Variants in HOXA10 observed in about 807,000 individuals in gnomAD.
The protein encoded by HOXA10 is homeobox A10.
A neutral mutation model predicts 29.7 loss-of-function variants in HOXA10; 12 were observed. That is an observed-to-expected ratio of 0.40 (90% CI 0.26 to 0.65). The LOEUF (loss-of-function observed/expected upper bound fraction) is 0.65, where lower values mean the gene tolerates loss of function less well. Ranked by LOEUF, HOXA10 falls within the 30% of genes least tolerant of loss-of-function variation. The pLI, the probability that HOXA10 is intolerant of heterozygous loss-of-function variation, is 0.37. For missense variants in HOXA10, 656 were observed against 585.9 expected, an observed-to-expected ratio of 1.12 and a Z score of -1.24; for synonymous variants, 327 against 280.7, an observed-to-expected ratio of 1.16 and a Z score of -1.65.
In HOXA10 at chr7:27,173,863, G is replaced by T. The variant is rs747380004; in HGVS notation, c.444C>A (p.Pro148=). The change falls in exon 1 of 2, where the codon CCC becomes CCA. Residue 148 remains proline, a synonymous_variant. Coordinates refer to ENST00000283921, the MANE Select transcript of HOXA10 (RefSeq NM_018951.4). ...ACGAGGTGGCCTGCGGCGCTGGCTG[G>T]GGTGGTTGCGGCGGGGGCGGCGGCT... ...QQQPPPPPQP[P]QPAPQATSCS... 3 of 1,599,140 alleles carry T rather than the reference G, an allele frequency of 1.9e-6. 1 individual carries two copies. The South Asian group carries it at 3.4e-5, about 18-fold the overall frequency.
upstream of HOXA10, among the ~76,000 whole-genome samples, chr7:27,174,512 C>T (rs1260710780): frequency 1.3e-5 from 2 of 152,232 alleles, no homozygotes; most frequent in African/African-American, 4.8e-5. Flanking sequence ...CACCCCGACA[C>T]CTTGGCCCGA....
upstream of HOXA10, among the ~76,000 whole-genome samples, chr7:27,179,119 C>T (rs1325921481): frequency 6.6e-6 from 1 of 152,240 alleles, no homozygotes; most frequent in African/African-American, 2.4e-5. Flanking sequence ...TCACATGCGA[C>T]TTCTCCGAAT....
At position 27,171,299 on chromosome 7, in the gene HOXA10, T is replaced by G. The variant is rs1294459788; in HGVS notation, c.*600A>C. The G allele has an allele frequency of 6.6e-6, 3 of 454,122 alleles. No homozygotes were observed. Among genetic ancestry groups the G allele is most frequent in the Non-Finnish European group, 1.3e-5 (3 of 226,820 alleles). 28.1% of individuals were successfully genotyped at this position (454,122 alleles called of 1,614,324 possible). ...CCTTTTTTACTTTCTTTCTCACTTT[T>G]TAAATCAGCCAAAGTCAAGCCCGTT... On this transcript the variant is annotated 3_prime_UTR_variant, in exon 2 of 2. Transcript: ENST00000283921.
In HOXA10 at chr7:27,171,843, C is replaced by T. The variant is rs1053188019; in HGVS notation, c.*56G>A. 6.3e-7 allele frequency: 1 copy of T among 1,587,912 alleles called. No individual in the cohort carries two copies. Among genetic ancestry groups the T allele is most frequent in the Non-Finnish European group, 8.6e-7 (1 of 1,156,682 alleles). ...CGAGTTCCTGGGCAGAGCCTGAAGA[C>T]AGAGGGAGGGGACCAGCGCTCGGGA... On this transcript the variant is annotated 3_prime_UTR_variant, in exon 2 of 2. Transcript: ENST00000283921.
exon 1 of HOXA10, chr7:27,179,760 G>C (rs928096310): frequency 2.8e-6 from 2 of 720,828 alleles, no homozygotes; most frequent in African/African-American, 3.5e-5. Context: ...CACTTCTTGA[G>C]GGTGAGTCCC....
At chr7:27,174,388 T>G, upstream of HOXA10, 1 of 1,570,292 alleles carries the variant, frequency 6.4e-7, no homozygotes, top group Non-Finnish European at 8.6e-7. Flanking sequence ...GAGCCAGAGT[T>G]TCCGCGCGAC....
chr7:27,177,543 G>T (rs1345055277), upstream of HOXA10, among the ~76,000 whole-genome samples: 2 of 152,126 alleles, frequency 1.3e-5, no homozygotes, highest in African/African-American at 4.8e-5. Flanking sequence ...CTCTCAGTTG[G>T]TCTCCTAGCC....
chr7:27,173,875 C>A lies in HOXA10; in HGVS notation c.432G>T (p.Pro144=). ...PPPPQQQPPP[P]PQPPQPAPQA... is the part of the protein sequence containing the mutation. ...GCGGCGCTGGCTGGGGTGGTTGCGG[C>A]GGGGGCGGCGGCTGCTGCTGGGGCG... Residue 144 remains proline (P), a synonymous_variant, in exon 1 of 2, where the codon CCG becomes CCT. Transcript: ENST00000283921. 1.9e-6 allele frequency: 3 copies of A among 1,581,322 alleles called. No individual in the cohort carries two copies. Among genetic ancestry groups the A allele is most frequent in the Admixed American group, 1.8e-5 (1 of 55,796 alleles).
At chr7:27,174,403 C>A, upstream of HOXA10, 2 of 1,554,694 alleles carry the variant, frequency 1.3e-6, no homozygotes, top group South Asian at 1.2e-5. Context: ...CGCGACCACT[C>A]CCAGTTTGGT....
At chr7:27,174,683 G>A (rs1783616825), upstream of HOXA10, 1 of 280,188 alleles carries the variant, frequency 3.6e-6, no homozygotes, top group African/African-American at 2.3e-5. Flanking sequence ...TGCGCGCCCA[G>A]TCTGCCTTGG....
chr7:27,174,224 G>C lies in HOXA10; in HGVS notation c.83C>G (p.Ser28Cys), dbSNP rs1388106206. 1.2e-6 allele frequency: 2 copies of C among 1,601,462 alleles called. No homozygotes were observed. The highest frequency in any genetic ancestry group is 1.7e-6 in the Non-Finnish European group (2 of 1,179,824). ...MSCSESPAANSFLVDSLISSG... is the reference protein window; with the variant it reads ...MSCSESPAANCFLVDSLISSG... ...GCTGATGAGCGAGTCGACCAAAAAA[G>C]AGTTCGCGGCGGGGCTCTCCGAGCA... The change falls in exon 1 of 2, where the codon TCT (serine) becomes TGT (cysteine). Residue 28 changes from serine to cysteine, a missense_variant. Around this residue, in one of 2 missense-constraint regions of HOXA10, gnomAD observed 594 missense variants for 491.9 expected, o/e 1.21. Coordinates refer to ENST00000283921, the MANE Select transcript of HOXA10 (RefSeq NM_018951.4).
At chr7:27,177,487 G>A (rs1363699985), upstream of HOXA10, among the ~76,000 whole-genome samples, 1 of 152,138 alleles carries the variant, frequency 6.6e-6, no homozygotes, top group East Asian at 1.9e-4. Flanking sequence ...GTTCAAATGA[G>A]AGGATACTAA....
chr7:27,172,546 G>A, intron 1 of HOXA10: 1 of 300,866 alleles, frequency 3.3e-6, no homozygotes, highest in East Asian at 9.6e-5. Flanking sequence ...CCCCAGGCTA[G>A]GAGCGCGGGG....
At chr7:27,179,852 G>A (rs769145091) in exon 1 of HOXA10, 4 of 693,570 alleles carry the variant, frequency 5.8e-6, no homozygotes, top group Non-Finnish European at 1.1e-5. Flanking sequence ...CAAAGGCCAA[G>A]AATCATGCTG....
chr7:27,178,061 T>A (rs1277309120), upstream of HOXA10, among the ~76,000 whole-genome samples: 1 of 152,194 alleles, frequency 6.6e-6, no homozygotes, highest in Non-Finnish European at 1.5e-5. Flanking sequence ...AATAAACTAT[T>A]ATGAAAAACA....
chr7:27,177,961 A>T (rs548691165), upstream of HOXA10, among the ~76,000 whole-genome samples: 88 of 152,364 alleles, frequency 5.8e-4, no homozygotes, highest in African/African-American at 2.0e-3. Context: ...GCCAAAGTAA[A>T]CACCAGGCCC....
chr7:27,178,150 C>T (rs17472231), upstream of HOXA10, among the ~76,000 whole-genome samples: 1,458 of 152,306 alleles, frequency 9.6e-3, 25 homozygotes, highest in African/African-American at 0.032. Context: ...ACTCTCAATG[C>T]TTTCAAGACT....
At position 27,173,298 on chromosome 7, in the gene HOXA10, T is replaced by C. The variant is rs551975236; in HGVS notation, c.958+51A>G. ...CTAGTTTTCTGATCCTTCTCCTCCT[T>C]GTGTCTGCCTGTCTGCCCGCCTGAC... is the stretch of plus-strand genomic sequence containing the variant. On this transcript the variant is annotated intron_variant, in intron 1 of 1. Coordinates refer to ENST00000283921, the MANE Select transcript of HOXA10 (RefSeq NM_018951.4). The C allele has an allele frequency of 1.4e-4, 233 of 1,607,222 alleles. 1 individual carries two copies. In the African/African-American group the frequency reaches 2.7e-3, roughly 19 times the overall value.
chr7:27,173,488 C>A lies in HOXA10; in HGVS notation c.819G>T (p.Pro273=). 6.5e-7 allele frequency: 1 copy of A among 1,544,320 alleles called. No individual in the cohort carries two copies. Among genetic ancestry groups the A allele is most frequent in the Non-Finnish European group, 8.7e-7 (1 of 1,149,932 alleles). ...TGCCGCAAGCCAGCGTGGGGGGCGG[C>A]GGCGAATCGAGGGCTCGCTCCTTCC... The part of the protein sequence containing the change: ...AARKERALDS[P]PPPTLACGSG... The change falls in exon 1 of 2, where the codon CCG becomes CCT. Residue 273 remains proline (P), a synonymous_variant. Coordinates refer to ENST00000283921, the MANE Select transcript of HOXA10 (RefSeq NM_018951.4).
Sources: gnomAD v4.1 joint callset for allele counts (sites outside exome capture counted in the v4.1 genomes callset) on GRCh38, gnomAD v4.1.1 for gene constraint, gnomAD v4.1.1 regional missense constraint, MANE v1.5 for transcripts, NCBI Gene and HGNC (gene_info 2026-07-23, HGNC 2026-07-21) for gene names.